Variants in CTNNA2 observed in about 807,000 individuals in gnomAD.
CTNNA2 encodes the protein catenin alpha-2.
Under a neutral mutation model 101.0 loss-of-function variants are expected in CTNNA2, and 42 were observed. That is an observed-to-expected ratio of 0.42 (90% CI 0.32 to 0.54). CTNNA2 has a LOEUF of 0.54. Ranked by LOEUF, CTNNA2 falls within the 20% of genes least tolerant of loss-of-function variation. CTNNA2 has a pLI of 0.14. For synonymous variants in CTNNA2, 450 were observed against 456.4 expected (o/e 0.99, Z 0.18); for missense variants, 871 against 1,223.1 (o/e 0.71, Z 4.29).
At chr2:80,110,072 C>T (rs1305103822) in intron 7 of CTNNA2, among the ~76,000 whole-genome samples, 3 of 152,166 alleles carry the variant, frequency 2.0e-5, no homozygotes, top group East Asian at 1.9e-4. Flanking sequence ...TACATCATTC[C>T]AGCATACAAT....
At chr2:80,561,630 T>G (rs890416403) in intron 12 of CTNNA2, among the ~76,000 whole-genome samples, 2 of 152,068 alleles carry the variant, frequency 1.3e-5, no homozygotes, top group Non-Finnish European at 2.9e-5. Context: ...TATTTAGAAA[T>G]TGGTGCTCCT....
intron 7 of CTNNA2, among the ~76,000 whole-genome samples, chr2:80,294,335 T>C (rs968352478): frequency 7.9e-5 from 12 of 152,172 alleles, no homozygotes; most frequent in African/African-American, 2.9e-4. Context: ...TAATTCTAAG[T>C]ACACCGATGC....
chr2:80,268,784 G>A (rs1393118315), intron 7 of CTNNA2, among the ~76,000 whole-genome samples: 1 of 152,038 alleles, frequency 6.6e-6, no homozygotes, highest in East Asian at 1.9e-4. Flanking sequence ...TACAATAAAA[G>A]GAAAAATTCA....
rs1253830553 is a variant in CTNNA2, at chr2:80,306,436, CTTTCTTTCTTTCTT to C, written c.1057-86773_1057-86760del. ...TCTTTCTTTCTTTCTTTCTTTCTTT[CTTTCTTTCTTTCTT>C]TCTCTCTCTCTCTTTCTTTCTTTCT... On this transcript the variant is annotated intron_variant, in intron 7 of 18. Coordinates refer to ENST00000402739, the MANE Select transcript of CTNNA2 (RefSeq NM_001282597.3). Among the ~76,000 whole-genome samples the C allele has an allele frequency of 9.3e-5, 13 of 139,846 alleles. No homozygotes were observed. The East Asian group carries it at 2.1e-3, about 23-fold the overall frequency. 91.7% of individuals were successfully genotyped at this position (139,846 alleles called of 152,430 possible).
chr2:79,525,835 A>G (rs1672372419), intron 1 of CTNNA2, among the ~76,000 whole-genome samples: 1 of 152,054 alleles, frequency 6.6e-6, no homozygotes, highest in South Asian at 2.1e-4. Flanking sequence ...TTATACCATA[A>G]GGATGAGTTA....
intron 7 of CTNNA2, among the ~76,000 whole-genome samples, chr2:80,268,043 C>CCAGGGGCTATG (rs1673151789): frequency 6.6e-6 from 1 of 152,320 alleles, no homozygotes. Flanking sequence ...AGGAAGTAGG[C>CCAGGGGCTATG]CAGGGGCTAT....
chr2:79,797,492 C>G (rs1299391571), intron 3 of CTNNA2, among the ~76,000 whole-genome samples: 1 of 151,774 alleles, frequency 6.6e-6, no homozygotes, highest in African/African-American at 2.4e-5. Context: ...AACCTCATCT[C>G]TACTAAAAAT....
chr2:79,373,605 C>T (rs1380117053), intron 3 of CTNNA2, among the ~76,000 whole-genome samples: 1 of 152,012 alleles, frequency 6.6e-6, no homozygotes, highest in African/African-American at 2.4e-5. Flanking sequence ...CCTAAATGAG[C>T]CCACAGCCTG....
intron 2 of CTNNA2, among the ~76,000 whole-genome samples, chr2:79,706,407 C>T (rs1025037587): frequency 1.5e-4 from 23 of 150,748 alleles, no homozygotes; most frequent in Middle Eastern, 3.5e-3. Context: ...TGTGGATTCC[C>T]GATTTGCCTA....
chr2:79,881,046 G>A (rs2104115848), intron 6 of CTNNA2, among the ~76,000 whole-genome samples: 1 of 152,158 alleles, frequency 6.6e-6, no homozygotes, highest in East Asian at 1.9e-4. Flanking sequence ...AGAACATCTT[G>A]ATTTCTGCCT....
intron 11 of CTNNA2, among the ~76,000 whole-genome samples, chr2:80,550,997 A>G (rs1393330928): frequency 6.6e-6 from 1 of 152,118 alleles, no homozygotes; most frequent in Non-Finnish European, 1.5e-5. Context: ...TAAAAAGTGA[A>G]TTTTCTAAAT....
chr2:80,516,772 G>A (rs1311928363), intron 9 of CTNNA2, among the ~76,000 whole-genome samples: 2 of 152,210 alleles, frequency 1.3e-5, no homozygotes, highest in African/African-American at 4.8e-5. Flanking sequence ...TTGGTCTCAA[G>A]TGAGCAAGAA....
In CTNNA2 at chr2:79,432,988, G is replaced by A. The variant is rs1402224235; in HGVS notation, c.-135+58975G>A. On this transcript the variant is annotated intron_variant, in intron 4 of 21. Transcript: ENST00000466387. ...GCCTGGGCTGTCCCTGTTTGTCAGC[G>A]AGGTTGTTTTCAAATAGCAACTGGA... Among the ~76,000 whole-genome samples the A allele has an allele frequency of 7.2e-5, 11 of 152,308 alleles. No homozygotes were observed. The East Asian group carries it at 1.5e-3, about 21-fold the overall frequency.
intron 2 of CTNNA2, among the ~76,000 whole-genome samples, chr2:79,225,141 A>G (rs1674392493): frequency 6.6e-6 from 1 of 152,120 alleles, no homozygotes. Context: ...GTAAATATCT[A>G]GTAGTGGAAC....
chr2:79,239,932 CTTTCT>C (rs1030627892), intron 2 of CTNNA2, among the ~76,000 whole-genome samples: 1 of 109,272 alleles, frequency 9.2e-6, no homozygotes, highest in Non-Finnish European at 2.0e-5. Context: ...TTTTCTTTTT[CTTTCT>C]TTTTTTTTTT....
At chr2:79,611,624 A>C (rs192888619) in intron 1 of CTNNA2, among the ~76,000 whole-genome samples, 109 of 150,124 alleles carry the variant, frequency 7.3e-4, no homozygotes, top group Admixed American at 1.2e-3. Flanking sequence ...GTTTAAGGTG[A>C]GCCACTGCGG....
At chr2:80,301,980 A>G (rs1676364254) in intron 7 of CTNNA2, 1 of 377,962 alleles carries the variant, frequency 2.6e-6, no homozygotes. Context: ...ATATGGACAG[A>G]TCTTCAAAGG....
intron 3 of CTNNA2, among the ~76,000 whole-genome samples, chr2:79,810,945 G>T (rs1164895734): frequency 6.6e-6 from 1 of 151,364 alleles, no homozygotes; most frequent in Non-Finnish European, 1.5e-5. Context: ...CATTTGGGTT[G>T]GTTCCAAGTC....
intron 3 of CTNNA2, among the ~76,000 whole-genome samples, chr2:79,839,580 A>G (rs940604959): frequency 6.6e-6 from 1 of 151,916 alleles, no homozygotes; most frequent in Non-Finnish European, 1.5e-5. Flanking sequence ...TACCCTTAAC[A>G]TACGTATTTT....
Sources: gnomAD v4.1 joint callset for allele counts (sites outside exome capture counted in the v4.1 genomes callset) on GRCh38, gnomAD v4.1.1 for gene constraint, MANE v1.5 for transcripts, NCBI Gene and HGNC (gene_info 2026-07-23, HGNC 2026-07-21) for gene names.